The following RIT2 variants were observed in gnomAD, a reference collection of about 807,000 sequenced individuals.
The protein encoded by RIT2 is Ras like without CAAX 2.
A neutral mutation model predicts 23.7 loss-of-function variants in RIT2; 24 were observed. The observed-to-expected ratio is 1.01, with a 90% CI of 0.73 to 1.43. The LOEUF (loss-of-function observed/expected upper bound fraction) is 1.43, where lower values mean the gene tolerates loss of function less well. Among genes scored for constraint, RIT2 ranks in the 40% most tolerant of loss-of-function variants. The pLI, the probability that RIT2 is intolerant of heterozygous loss-of-function variation, is 0.00. For synonymous variants in RIT2, 107 were observed against 91.1 expected (o/e 1.17, Z -0.99); for missense variants, 236 against 266.9 (o/e 0.88, Z 0.81).
intron 1 of RIT2, among the ~76,000 whole-genome samples, chr18:43,038,744 T>A (rs1456575750): frequency 6.6e-6 from 1 of 152,180 alleles, no homozygotes; most frequent in Admixed American, 6.5e-5. Context: ...GGGGAGAATA[T>A]TTATTAGCTT....
intron 1 of RIT2, among the ~76,000 whole-genome samples, chr18:43,096,774 G>T (rs904490695): frequency 6.6e-6 from 1 of 151,654 alleles, no homozygotes. Flanking sequence ...TATGTATCAA[G>T]AAATTCATAC....
intron 3 of RIT2, among the ~76,000 whole-genome samples, chr18:42,969,447 A>G (rs1179741269): frequency 1.3e-5 from 2 of 152,168 alleles, no homozygotes; most frequent in African/African-American, 4.8e-5. Context: ...AGGGCTTTAT[A>G]TCTGGAAGAC....
chr18:42,976,130 G>A (rs1371225213), intron 2 of RIT2, among the ~76,000 whole-genome samples: 1 of 151,912 alleles, frequency 6.6e-6, no homozygotes, highest in Admixed American at 6.6e-5. Flanking sequence ...CATTGTGATT[G>A]GAAAAGATAC....
chr18:42,972,652 A>G (rs1475833428), intron 3 of RIT2, among the ~76,000 whole-genome samples: 1 of 151,734 alleles, frequency 6.6e-6, no homozygotes, highest in African/African-American at 2.4e-5. Flanking sequence ...CCTTTCTCCC[A>G]TAAGAGGTAA....
chr18:42,857,174 G>A (rs539600686), intron 4 of RIT2, among the ~76,000 whole-genome samples: 8 of 152,278 alleles, frequency 5.3e-5, no homozygotes, highest in African/African-American at 1.9e-4. Context: ...ATCTAGTCAG[G>A]AGAGGCCAGG....
intron 1 of RIT2, among the ~76,000 whole-genome samples, chr18:43,110,833 T>C (rs180686351): frequency 1.3e-5 from 2 of 152,274 alleles, no homozygotes; most frequent in Admixed American, 6.5e-5. Context: ...TCGTCATGAG[T>C]CTTATTTTTA....
At chr18:42,929,967 G>A (rs1909285700) in intron 3 of RIT2, among the ~76,000 whole-genome samples, 1 of 152,154 alleles carries the variant, frequency 6.6e-6, no homozygotes, top group African/African-American at 2.4e-5. Flanking sequence ...TGTTCCAGGA[G>A]TTGAGAGGTG....
chr18:42,921,234 C>T (rs1244802742), intron 4 of RIT2, among the ~76,000 whole-genome samples: 1 of 152,078 alleles, frequency 6.6e-6, no homozygotes, highest in Non-Finnish European at 1.5e-5. Flanking sequence ...CAGCCAGAAG[C>T]CAAATTTTTA....
intron 1 of RIT2, among the ~76,000 whole-genome samples, chr18:43,043,282 T>C (rs1253334279): frequency 6.6e-6 from 1 of 152,104 alleles, no homozygotes; most frequent in Non-Finnish European, 1.5e-5. Context: ...AGGAATCAAA[T>C]TGATTGGGCC....
At chr18:43,089,585 A>C (rs1913370819) in intron 1 of RIT2, among the ~76,000 whole-genome samples, 1 of 151,464 alleles carries the variant, frequency 6.6e-6, no homozygotes, top group African/African-American at 2.4e-5. Flanking sequence ...CTAAGCAAAA[A>C]AAAATAAAAA....
intron 1 of RIT2, among the ~76,000 whole-genome samples, chr18:43,077,181 A>G (rs922701331): frequency 1.7e-4 from 26 of 151,944 alleles, no homozygotes; most frequent in Non-Finnish European, 3.2e-4. Context: ...GTTTCTTCAT[A>G]AACACTGTCA....
At chr18:42,893,151 C>T (rs929385440) in intron 4 of RIT2, among the ~76,000 whole-genome samples, 1 of 150,124 alleles carries the variant, frequency 6.7e-6, no homozygotes, top group African/African-American at 2.5e-5. Context: ...TCGCTTAAAC[C>T]CAGAAGGCAG....
At chr18:42,959,056 T>C (rs1424540287) in intron 3 of RIT2, among the ~76,000 whole-genome samples, 1 of 152,158 alleles carries the variant, frequency 6.6e-6, no homozygotes, top group Admixed American at 6.5e-5. Context: ...CAGTTGCAAT[T>C]GGATAAAATA....
intron 4 of RIT2, among the ~76,000 whole-genome samples, chr18:42,892,754 C>T (rs768232963): frequency 6.6e-6 from 1 of 152,146 alleles, no homozygotes; most frequent in Admixed American, 6.6e-5. Flanking sequence ...AATAGAATTA[C>T]TGAAATCCTG....
chr18:43,042,799 A>G (rs1474366026), intron 1 of RIT2, among the ~76,000 whole-genome samples: 3 of 152,202 alleles, frequency 2.0e-5, no homozygotes, highest in African/African-American at 7.2e-5. Flanking sequence ...TTACACACAC[A>G]TTTGCTTACA....
chr18:43,021,042 C>T (rs1380621313), intron 2 of RIT2, among the ~76,000 whole-genome samples: 1 of 151,934 alleles, frequency 6.6e-6, no homozygotes, highest in African/African-American at 2.4e-5. Context: ...GCTTTCTACA[C>T]AGCAAAGGAA....
At position 42,921,367 on chromosome 18, in the gene RIT2, A is replaced by C. The variant is rs994137810; in HGVS notation, c.426+2205T>G. Among the ~76,000 whole-genome samples, 3 of 152,126 alleles carry C rather than the reference A, an allele frequency of 2.0e-5. No homozygotes were observed. The East Asian group carries it at 5.8e-4, about 29-fold the overall frequency. On this transcript the variant is annotated intron_variant, in intron 4 of 4. Transcript: ENST00000326695. Reference sequence around the variant, plus strand: ...GTTTACAGTACTTGCTTTTATCTACAAGGAAAAGACTATCAAATCTGCAAA... The same window carrying C: ...GTTTACAGTACTTGCTTTTATCTACCAGGAAAAGACTATCAAATCTGCAAA...
At chr18:43,110,460 T>G (rs1054843801) in intron 1 of RIT2, among the ~76,000 whole-genome samples, 2 of 152,172 alleles carry the variant, frequency 1.3e-5, no homozygotes, top group African/African-American at 4.8e-5. Context: ...GCTCTGGCAT[T>G]GAGGAACGGC....
At chr18:42,935,133 CCT>C (rs1909420220) in intron 3 of RIT2, among the ~76,000 whole-genome samples, 1 of 152,094 alleles carries the variant, frequency 6.6e-6, no homozygotes, top group Non-Finnish European at 1.5e-5. Flanking sequence ...ACACCTTTCC[CCT>C]ACATTATCAG....
Sources: allele counts gnomAD v4.1 joint callset (sites outside exome capture counted in the v4.1 genomes callset), GRCh38; gene constraint gnomAD v4.1.1; transcripts MANE v1.5; gene names NCBI Gene and HGNC (gene_info 2026-07-23, HGNC 2026-07-21).